CRIM1: variants seen among roughly 807,000 people sequenced by gnomAD.
The protein encoded by CRIM1 is cysteine-rich motor neuron 1 protein.
CRIM1 carries 32 observed loss-of-function variants against 116.4 expected under a neutral mutation model. The observed-to-expected ratio is 0.27, with a 90% CI of 0.21 to 0.37. CRIM1 has a LOEUF of 0.37. Among genes scored for constraint, CRIM1 ranks in the 10% least tolerant of loss-of-function variants. CRIM1 has a pLI of 1.00. For synonymous variants in CRIM1, 590 were observed against 509.2 expected, an observed-to-expected ratio of 1.16 and a Z score of -2.13; for missense variants, 1,331 against 1,354.8, an observed-to-expected ratio of 0.98 and a Z score of 0.28.
At chr2:36,525,727 T>C (rs1425599287) in intron 13 of CRIM1, among the ~76,000 whole-genome samples, 1 of 152,166 alleles carries the variant, frequency 6.6e-6, no homozygotes, top group Non-Finnish European at 1.5e-5. Context: ...GCTGTAGGGC[T>C]CTTCCATGGA....
rs1032953424 is a variant in CRIM1, at chr2:36,500,517, A to AT, written c.1501+1180dup. ...CATCTGTTCTGTAATAGAACGTTTG[A>AT]TTTTTTTTTTAAACGATATAAATAC... On this transcript the variant is annotated intron_variant, in intron 8 of 16. Coordinates refer to ENST00000280527, the MANE Select transcript of CRIM1 (RefSeq NM_016441.3). 3.6e-4 allele frequency among the ~76,000 whole-genome samples: 55 copies of AT among 150,802 alleles called. 1 individual carries two copies. Among genetic ancestry groups the AT allele is most frequent in the East Asian group, 3.5e-3 (18 of 5,152 alleles).
intron 5 of CRIM1, among the ~76,000 whole-genome samples, chr2:36,473,124 C>T (rs997168371): frequency 6.6e-6 from 1 of 152,068 alleles, no homozygotes; most frequent in Admixed American, 6.5e-5. Flanking sequence ...GTCTTCTTAG[C>T]GGGGTTGTTA....
chr2:36,398,623 C>G (rs138654272), intron 2 of CRIM1, among the ~76,000 whole-genome samples: 1 of 152,234 alleles, frequency 6.6e-6, no homozygotes, highest in African/African-American at 2.4e-5. Flanking sequence ...TTGTTATTTT[C>G]CAACTTATTA....
intron 9 of CRIM1, among the ~76,000 whole-genome samples, chr2:36,511,432 A>G (rs1572899074): frequency 6.6e-6 from 1 of 152,226 alleles, no homozygotes; most frequent in East Asian, 1.9e-4. Flanking sequence ...ATCATTCTTA[A>G]TCCTAAAATA....
chr2:36,464,605 G>C lies in CRIM1; in HGVS notation c.941G>C (p.Arg314Pro), dbSNP rs570681090. The C allele has an allele frequency of 6.2e-7, 1 of 1,613,996 alleles. No homozygotes were observed. The highest frequency in any genetic ancestry group is 1.7e-5 in the Admixed American group (1 of 59,996). ...GGATCCACTCCCCGCATAGTCTCTCGTGGCGATGGGACACCTGGAAAGTGC... is the reference window on the plus strand; with the variant it reads ...GGATCCACTCCCCGCATAGTCTCTCCTGGCGATGGGACACCTGGAAAGTGC... ...EVGSTPRIVS[R>P]GDGTPGKCCD... is the part of the protein sequence containing the mutation. The change falls in exon 5 of 17, where the codon CGT becomes CCT. Residue 314 changes from arginine (R) to proline (P), a missense_variant. Transcript: ENST00000280527.
chr2:36,525,363 T>C (rs1665685617), intron 13 of CRIM1, among the ~76,000 whole-genome samples: 1 of 152,166 alleles, frequency 6.6e-6, no homozygotes, highest in Non-Finnish European at 1.5e-5. Context: ...TGTTCTCTTA[T>C]CAACTAAGAA....
intron 2 of CRIM1, among the ~76,000 whole-genome samples, chr2:36,405,988 T>G (rs1672750818): frequency 6.6e-6 from 1 of 152,234 alleles, no homozygotes; most frequent in African/African-American, 2.4e-5. Flanking sequence ...TGGTCTTTGC[T>G]AAACTTTACA....
At chr2:36,509,221 A>G (rs543057565) in intron 8 of CRIM1, among the ~76,000 whole-genome samples, 1 of 152,228 alleles carries the variant, frequency 6.6e-6, no homozygotes, top group Non-Finnish European at 1.5e-5. Flanking sequence ...TGGATATTTA[A>G]AAACATGCGT....
chr2:36,418,543 T>G (rs1414309400), intron 2 of CRIM1, among the ~76,000 whole-genome samples: 1 of 152,168 alleles, frequency 6.6e-6, no homozygotes, highest in Non-Finnish European at 1.5e-5. Flanking sequence ...CACCTCGGCC[T>G]CCCAAAGTGC....
At chr2:36,456,276 C>T (rs115835590) in intron 4 of CRIM1, among the ~76,000 whole-genome samples, 2,068 of 152,272 alleles carry the variant, frequency 0.014, 40 homozygotes, top group African/African-American at 0.047. Flanking sequence ...CGCAATCCAG[C>T]TTAGTACCTG....
At chr2:36,499,150 A>C (rs1450989882) in intron 7 of CRIM1, 69 bp from the exon 8 acceptor site, 39 of 1,296,372 alleles carry the variant, frequency 3.0e-5, no homozygotes, top group Non-Finnish European at 2.2e-6. Context: ...GTGGAATTTC[A>C]AAAATTGAAT....
intron 2 of CRIM1, among the ~76,000 whole-genome samples, chr2:36,403,278 C>G (rs1392476945): frequency 1.3e-5 from 2 of 152,174 alleles, no homozygotes; most frequent in Non-Finnish European, 2.9e-5. Context: ...TAATTCTCCT[C>G]TGTTTTAGCT....
At chr2:36,415,934 A>C (rs1476244841) in intron 2 of CRIM1, among the ~76,000 whole-genome samples, 1 of 152,226 alleles carries the variant, frequency 6.6e-6, no homozygotes, top group Admixed American at 6.5e-5. Flanking sequence ...GGGGCTGGGC[A>C]CAGTGGCTCA....
At chr2:36,365,854 C>G (rs1158420419) in intron 1 of CRIM1, among the ~76,000 whole-genome samples, 1 of 151,972 alleles carries the variant, frequency 6.6e-6, no homozygotes, top group East Asian at 1.9e-4. Context: ...CTGCCTCAGC[C>G]TCCTGAGTAG....
At chr2:36,405,524 A>G (rs1036593578) in intron 2 of CRIM1, among the ~76,000 whole-genome samples, 1 of 152,190 alleles carries the variant, frequency 6.6e-6, no homozygotes, top group South Asian at 2.1e-4. Flanking sequence ...AGCTGGCTTA[A>G]CTAGGACTAG....
intron 2 of CRIM1, among the ~76,000 whole-genome samples, chr2:36,426,924 C>G (rs1220179780): frequency 2.0e-5 from 3 of 152,018 alleles, no homozygotes; most frequent in Non-Finnish European, 2.9e-5. Flanking sequence ...GAAAAGGAGC[C>G]GTGCGCAGTG....
chr2:36,508,490 T>A (rs1383430351), intron 8 of CRIM1, among the ~76,000 whole-genome samples: 3 of 152,222 alleles, frequency 2.0e-5, no homozygotes. Flanking sequence ...ATATTCATGC[T>A]TAAAGGACGG....
At chr2:36,462,151 G>T (rs1677629349) in intron 4 of CRIM1, among the ~76,000 whole-genome samples, 1 of 152,164 alleles carries the variant, frequency 6.6e-6, no homozygotes, top group South Asian at 2.1e-4. Flanking sequence ...TTAATAGGTG[G>T]TTGGGTGCAA....
At chr2:36,545,539 A>G (rs899652792) in intron 15 of CRIM1, among the ~76,000 whole-genome samples, 6 of 152,202 alleles carry the variant, frequency 3.9e-5, no homozygotes, top group Non-Finnish European at 7.4e-5. Context: ...TAGCAAGAAA[A>G]TGTATGCTTC....
Sources: allele counts gnomAD v4.1 joint callset (sites outside exome capture counted in the v4.1 genomes callset), GRCh38; gene constraint gnomAD v4.1.1; transcripts MANE v1.5; gene names NCBI Gene and HGNC (gene_info 2026-07-23, HGNC 2026-07-21).